Variants in PLA2G5 observed in about 807,000 individuals in gnomAD.
The protein encoded by PLA2G5 is phospholipase A2 group V.
A neutral mutation model predicts 15.9 loss-of-function variants in PLA2G5; 12 were observed. The observed-to-expected ratio is 0.76, with a 90% confidence interval of 0.48 to 1.23. The LOEUF is 1.23. Among genes scored for constraint, PLA2G5 ranks in the 50% most tolerant of loss-of-function variants. PLA2G5 has a pLI of 0.00. For synonymous variants in PLA2G5, 71 were observed against 71.4 expected (o/e 0.99, Z 0.03); for missense variants, 169 against 177.1 (o/e 0.95, Z 0.26).
At chr1:20,056,091 C>A (rs1278767231) in intron 1 of PLA2G5, among the ~76,000 whole-genome samples, 1 of 152,198 alleles carries the variant, frequency 6.6e-6, no homozygotes, top group African/African-American at 2.4e-5. Flanking sequence ...TTCCCTCTTT[C>A]CCCTTCTTTT....
chr1:20,037,911 G>A (rs909949124), intron 1 of PLA2G5, among the ~76,000 whole-genome samples: 1 of 152,104 alleles, frequency 6.6e-6, no homozygotes, highest in African/African-American at 2.4e-5. Context: ...CTCTCCTTGG[G>A]TGGGGCTTGC....
intron 1 of PLA2G5, among the ~76,000 whole-genome samples, chr1:20,056,637 T>C (rs2014447834): frequency 6.6e-6 from 1 of 152,188 alleles, no homozygotes; most frequent in Non-Finnish European, 1.5e-5. Context: ...TTGAGGACTT[T>C]TGCATTTATG....
intron 3 of PLA2G5, among the ~76,000 whole-genome samples, chr1:20,088,422 A>G (rs2100639566): frequency 6.6e-6 from 1 of 151,610 alleles, no homozygotes; most frequent in Non-Finnish European, 1.5e-5. Flanking sequence ...ATCCTGGGAC[A>G]GAAAAAGGAC....
At chr1:20,052,350 C>T (rs2014219745) in intron 1 of PLA2G5, among the ~76,000 whole-genome samples, 1 of 152,056 alleles carries the variant, frequency 6.6e-6, no homozygotes, top group Non-Finnish European at 1.5e-5. Context: ...AATTTGGAGT[C>T]ACTGAAAACT....
At chr1:20,068,991 C>T (rs946691774), upstream of PLA2G5, 204 of 1,234,528 alleles carry the variant, frequency 1.7e-4, 1 homozygote, top group Admixed American at 2.5e-4. Flanking sequence ...GCACAGATAC[C>T]AACAGACCAT....
intron 1 of PLA2G5, among the ~76,000 whole-genome samples, chr1:20,042,886 T>C (rs1483566203): frequency 1.3e-5 from 2 of 152,042 alleles, no homozygotes; most frequent in African/African-American, 4.8e-5. Flanking sequence ...CTTTTGAGAA[T>C]AGATGTTGGA....
upstream of PLA2G5, among the ~76,000 whole-genome samples, chr1:20,068,652 T>TGTTG (rs761616323): frequency 2.0e-5 from 3 of 152,004 alleles, no homozygotes; most frequent in Non-Finnish European, 2.9e-5. Flanking sequence ...GGTTTCTCCA[T>TGTTG]GTTGGTCAGG....
At chr1:20,046,293 T>C (rs567134851) in intron 1 of PLA2G5, among the ~76,000 whole-genome samples, 3 of 152,326 alleles carry the variant, frequency 2.0e-5, no homozygotes, top group Admixed American at 2.0e-4. Flanking sequence ...TTTGACCAAC[T>C]CTACCTGACT....
intron 1 of PLA2G5, among the ~76,000 whole-genome samples, chr1:20,074,911 C>T (rs536484456): frequency 4.1e-4 from 63 of 152,304 alleles, no homozygotes; most frequent in African/African-American, 1.5e-3. Context: ...CAAGTCAGCC[C>T]CAATTCCCTC....
At chr1:20,033,859 CT>C (rs1460118657) in intron 1 of PLA2G5, among the ~76,000 whole-genome samples, 1 of 151,916 alleles carries the variant, frequency 6.6e-6, no homozygotes, top group Non-Finnish European at 1.5e-5. Context: ...ATACTTCCGG[CT>C]GTGAATTCAT....
chr1:20,085,853 A>C (rs1488926239), intron 2 of PLA2G5, among the ~76,000 whole-genome samples: 6 of 152,216 alleles, frequency 3.9e-5, no homozygotes. Context: ...ACTTTGAATT[A>C]GTGGCAGAGC....
At chr1:20,046,866 T>C (rs2013930860) in intron 1 of PLA2G5, among the ~76,000 whole-genome samples, 1 of 152,202 alleles carries the variant, frequency 6.6e-6, no homozygotes, top group African/African-American at 2.4e-5. Context: ...TAATTCTAGT[T>C]TGGAGATACA....
intron 1 of PLA2G5, among the ~76,000 whole-genome samples, chr1:20,051,966 T>A (rs1188585735): frequency 6.6e-6 from 1 of 152,178 alleles, no homozygotes; most frequent in Non-Finnish European, 1.5e-5. Context: ...TTATCTGAGA[T>A]TCCTTCTATG....
At chr1:20,029,348 T>TACGTTCCTCCGCTGAC (rs2012763919) in intron 1 of PLA2G5, among the ~76,000 whole-genome samples, 2 of 134,492 alleles carry the variant, frequency 1.5e-5, no homozygotes, top group Admixed American at 7.6e-5. Context: ...CCTCCCCTGA[T>TACGTTCCTCCGCTGAC]ACGTTCCTCC....
intron 1 of PLA2G5, among the ~76,000 whole-genome samples, chr1:20,047,748 GTGTGTGTGTA>G (rs1171992010): frequency 1.0e-4 from 14 of 140,610 alleles, no homozygotes; most frequent in African/African-American, 3.7e-4. Flanking sequence ...GTGTGTGTGT[GTGTGTGTGTA>G]TGTGTATATA....
intron 1 of PLA2G5, among the ~76,000 whole-genome samples, chr1:20,034,547 T>A (rs1212010641): frequency 6.6e-6 from 1 of 150,830 alleles, no homozygotes; most frequent in African/African-American, 2.4e-5. Context: ...AGGATAGGAG[T>A]GTTGTGGGGA....
intron 1 of PLA2G5, among the ~76,000 whole-genome samples, chr1:20,052,208 G>C (rs992254748): frequency 6.8e-6 from 1 of 147,444 alleles, no homozygotes; most frequent in African/African-American, 2.5e-5. Context: ...GGAAACTGGA[G>C]AATGAAAAAT....
chr1:20,059,227 G>A lies in PLA2G5; in HGVS notation n.277-405G>A, dbSNP rs561612680. Among the ~76,000 whole-genome samples the A allele has an allele frequency of 3.3e-5, 5 of 151,674 alleles. No individual in the cohort carries two copies. The South Asian group carries it at 1.0e-3, about 32-fold the overall frequency. Reference sequence around the variant, plus strand: ...GCAGGAGGATCGCTTGAGCTCAGAAGTTCAACACAAGCCTTGTCAACATAG... The same window carrying A: ...GCAGGAGGATCGCTTGAGCTCAGAAATTCAACACAAGCCTTGTCAACATAG... On this transcript the variant is annotated intron_variant and non_coding_transcript_variant, in intron 1 of 6. Coordinates refer to the PLA2G5 transcript ENST00000460175.
chr1:20,086,185 G>A lies in PLA2G5; in HGVS notation c.143G>A (p.Cys48Tyr). 1 of 1,614,168 alleles carries A rather than the reference G, an allele frequency of 6.2e-7. No homozygotes were observed. The highest frequency in any genetic ancestry group is 8.5e-7 in the Non-Finnish European group (1 of 1,180,016). ...LTNYGFYGCY[C>Y]GWGGRGTPKD... ...AACTACGGCTTCTACGGCTGTTACTGCGGCTGGGGCGGCCGAGGAACCCCC... is the reference window on the plus strand; with the variant it reads ...AACTACGGCTTCTACGGCTGTTACTACGGCTGGGGCGGCCGAGGAACCCCC... The change falls in exon 3 of 5, where the codon TGC becomes TAC. Residue 48 changes from cysteine to tyrosine, a missense_variant. Coordinates refer to ENST00000375108, the MANE Select transcript of PLA2G5 (RefSeq NM_000929.3).
Sources: gnomAD v4.1 joint callset for allele counts (sites outside exome capture counted in the v4.1 genomes callset) on GRCh38, gnomAD v4.1.1 for gene constraint, MANE v1.5 for transcripts, NCBI Gene and HGNC (gene_info 2026-07-23, HGNC 2026-07-21) for gene names.